Variants in DZANK1 observed in about 807,000 individuals in gnomAD.
The protein encoded by DZANK1 is double zinc ribbon and ankyrin repeat-containing protein 1.
A neutral mutation model predicts 94.5 loss-of-function variants in DZANK1; 91 were observed. That is an observed-to-expected ratio of 0.96 (90% CI 0.81 to 1.15). The LOEUF is 1.15. DZANK1 is among the 50% of genes most tolerant of loss of function. The probability of loss-of-function intolerance (pLI) is 0.00; values close to 1 mark genes in which losing one functional copy is unlikely to be tolerated. For missense variants in DZANK1, 903 were observed against 916.4 expected, an observed-to-expected ratio of 0.99 and a Z score of 0.19; for synonymous variants, 312 against 325.3, an observed-to-expected ratio of 0.96 and a Z score of 0.44.
chr20:18,458,878 C>T (rs1165721399), intron 3 of DZANK1, among the ~76,000 whole-genome samples: 3 of 152,222 alleles, frequency 2.0e-5, no homozygotes, highest in Non-Finnish European at 4.4e-5. Flanking sequence ...CCAGCTAAGG[C>T]ATTCACCTTT....
chr20:18,452,624 G>T (rs767925008), exon 6 of DZANK1: 1 of 1,590,534 alleles, frequency 6.3e-7, no homozygotes, highest in Non-Finnish European at 8.6e-7. Flanking sequence ...CCTGGGACTG[G>T]CGGGTGGGTG....
At chr20:18,459,855 A>AC (rs1444940342) in intron 3 of DZANK1, among the ~76,000 whole-genome samples, 3 of 151,960 alleles carry the variant, frequency 2.0e-5, no homozygotes, top group Admixed American at 2.0e-4. Context: ...CTCTTTAGAG[A>AC]CCCCCGGCCC....
chr20:18,415,422 G>T (rs750755817), exon 11 of DZANK1: 2 of 1,582,054 alleles, frequency 1.3e-6, no homozygotes, highest in East Asian at 2.3e-5. Context: ...GTGGGCGGAG[G>T]AGGGGCTTTA....
chr20:18,422,753 T>C (rs546808014), intron 10 of DZANK1, among the ~76,000 whole-genome samples: 17 of 151,632 alleles, frequency 1.1e-4, no homozygotes, highest in Admixed American at 2.6e-4. Flanking sequence ...ACTCAGCCTG[T>C]ATAGCTTTAT....
intron 7 of DZANK1, among the ~76,000 whole-genome samples, chr20:18,447,277 A>T (rs1244517474): frequency 6.6e-6 from 1 of 151,974 alleles, no homozygotes; most frequent in Non-Finnish European, 1.5e-5. Context: ...GAAGTTCTAG[A>T]CTAGCCTGGC....
chr20:18,413,965 A>G lies in DZANK1; in HGVS notation c.1242+383T>C, dbSNP rs146052032. Among the ~76,000 whole-genome samples the G allele has an allele frequency of 3.3e-3, 503 of 152,324 alleles. 5 individuals are homozygous for G. Among genetic ancestry groups the G allele is most frequent in the African/African-American group, 0.012 (484 of 41,586 alleles). On this transcript the variant is annotated intron_variant, in intron 12 of 20. Transcript: ENST00000262547. Reference sequence around the variant, plus strand: ...CAAAGCCAGTTGTTAGAGCTTAAGTACTTCTGAAAATAACCTGGTGAGATT... The same window carrying G: ...CAAAGCCAGTTGTTAGAGCTTAAGTGCTTCTGAAAATAACCTGGTGAGATT...
chr20:18,448,613 A>G (rs2058970953), intron 7 of DZANK1, among the ~76,000 whole-genome samples: 1 of 152,184 alleles, frequency 6.6e-6, no homozygotes, highest in Non-Finnish European at 1.5e-5. Flanking sequence ...TCACACCTGT[A>G]ATCTCAGCAC....
Position 18,389,697 on chromosome 20 carries a change from T to A in DZANK1, c.2018+4A>T. On this transcript the variant is annotated splice_donor_region_variant and intron_variant, in intron 19 of 20. Coordinates refer to ENST00000262547, the Ensembl canonical transcript of DZANK1. ...TAGCTCTCCTTTCAATGTGTTTCAC[T>A]TACGGCCCCCACTGCTGGTCGATGT... 6.2e-7 allele frequency: 1 copy of A among 1,613,794 alleles called. No homozygotes were observed. The highest frequency in any genetic ancestry group is 1.1e-5 in the South Asian group (1 of 91,060).
chr20:18,389,948 A>G (rs1166085110), intron 18 of DZANK1, 120 bp from the exon 19 acceptor site: 3 of 1,437,890 alleles, frequency 2.1e-6, no homozygotes, highest in Non-Finnish European at 1.9e-6. Flanking sequence ...AAGTGCTTTC[A>G]GATCAAAGGA....
intron 3 of DZANK1, 73 bp downstream of exon 3, chr20:18,460,080 G>GA (rs1253939812): frequency 6.1e-6 from 7 of 1,153,874 alleles, no homozygotes; most frequent in Admixed American, 2.9e-5. Flanking sequence ...ATTCTGATAG[G>GA]AAAAAATGAA....
At chr20:18,396,592 C>T in intron 14 of DZANK1, 46 bp from the exon 15 acceptor site, 1 of 1,416,042 alleles carries the variant, frequency 7.1e-7, no homozygotes, top group Middle Eastern at 1.8e-4. Context: ...GGGTGTGGGA[C>T]TCATTGCCTT....
At chr20:18,396,868 A>G (rs2056372859) in intron 14 of DZANK1, among the ~76,000 whole-genome samples, 1 of 152,210 alleles carries the variant, frequency 6.6e-6, no homozygotes, top group South Asian at 2.1e-4. Flanking sequence ...TAATCAAACT[A>G]CATGACTAGA....
intron 14 of DZANK1, among the ~76,000 whole-genome samples, chr20:18,397,554 TCTGA>T (rs1357506468): frequency 6.6e-6 from 1 of 152,214 alleles, no homozygotes; most frequent in African/African-American, 2.4e-5. Context: ...TAAGGCTTCT[TCTGA>T]CTATCAACTG....
Position 18,460,397 on chromosome 20 carries a change from T to A in DZANK1, c.110-91A>T, listed in dbSNP as rs186547016. 103 of 944,436 alleles carry A rather than the reference T, an allele frequency of 1.1e-4. No homozygotes were observed. In the African/African-American group the frequency reaches 1.5e-3, roughly 14 times the overall value. The allele number at this position is 944,436 out of a possible 1,614,324, so 58.5% of individuals were successfully genotyped here. Reference sequence around the variant, plus strand: ...TAGGTCAGTTTAAGATCTAAGTGTGTGATTTAAGATTTAAAGTTGTGATTT... The same window carrying A: ...TAGGTCAGTTTAAGATCTAAGTGTGAGATTTAAGATTTAAAGTTGTGATTT... On this transcript the variant is annotated intron_variant, in intron 2 of 20. Coordinates refer to ENST00000262547, the Ensembl canonical transcript of DZANK1.
At chr20:18,456,993 T>C (rs1197399280) in intron 3 of DZANK1, among the ~76,000 whole-genome samples, 1 of 152,236 alleles carries the variant, frequency 6.6e-6, no homozygotes, top group African/African-American at 2.4e-5. Context: ...ACTGTGGCTG[T>C]TCCATTTTAC....
chr20:18,426,393 T>G (rs916858737), intron 10 of DZANK1, among the ~76,000 whole-genome samples: 3 of 151,152 alleles, frequency 2.0e-5, no homozygotes, highest in Non-Finnish European at 4.4e-5. Context: ...ATAACCACAT[T>G]GTCCAGTTTC....
intron 10 of DZANK1, among the ~76,000 whole-genome samples, chr20:18,426,692 G>A (rs1348788081): frequency 2.0e-5 from 3 of 152,168 alleles, no homozygotes; most frequent in Non-Finnish European, 4.4e-5. Context: ...AAAGCAGTGT[G>A]CATACAGAGT....
chr20:18,427,142 C>T (rs768838422), exon 10 of DZANK1: 1 of 1,612,312 alleles, frequency 6.2e-7, no homozygotes, highest in East Asian at 2.2e-5. Context: ...TACCACAGGC[C>T]CGGCAAATTA....
At chr20:18,452,582 T>C (rs368108397) in intron 6 of DZANK1, 33 bp downstream of exon 6, 14 of 1,567,514 alleles carry the variant, frequency 8.9e-6, no homozygotes, top group Admixed American at 4.1e-5. Context: ...TAGGAGGTAT[T>C]TGAATACCCT....
Sources: allele counts gnomAD v4.1 joint callset (sites outside exome capture counted in the v4.1 genomes callset), GRCh38; gene constraint gnomAD v4.1.1; transcripts MANE v1.5; gene names NCBI Gene and HGNC (gene_info 2026-07-23, HGNC 2026-07-21).